GRM8: variants seen among roughly 807,000 people sequenced by gnomAD.
GRM8 encodes glutamate metabotropic receptor 8.
In GRM8, 47 loss-of-function variants were observed where a neutral mutation model predicts 87.2. The ratio of observed to expected loss-of-function variants is 0.54; its 90% CI spans 0.43 to 0.69. The LOEUF (loss-of-function observed/expected upper bound fraction) is 0.69. Among genes scored for constraint, GRM8 ranks in the 30% least tolerant of loss-of-function variants. GRM8 has a pLI of 0.00. For missense variants in GRM8, 1,019 were observed against 1,139.2 expected (o/e 0.89, Z 1.52); for synonymous variants, 396 against 404.5 (o/e 0.98, Z 0.25).
intron 7 of GRM8, among the ~76,000 whole-genome samples, chr7:126,705,798 C>T (rs1298656185): frequency 2.6e-5 from 4 of 152,012 alleles, no homozygotes; most frequent in African/African-American, 4.8e-5. Flanking sequence ...TGAAATGATT[C>T]ACACTAAAAG....
intron 7 of GRM8, among the ~76,000 whole-genome samples, chr7:126,653,501 A>T (rs566339263): frequency 1.3e-5 from 2 of 152,296 alleles, no homozygotes; most frequent in African/African-American, 4.8e-5. Flanking sequence ...AGGTAACTAC[A>T]ACAGAAATAA....
intron 3 of GRM8, among the ~76,000 whole-genome samples, chr7:127,004,513 G>A (rs1295598393): frequency 6.6e-6 from 1 of 151,472 alleles, no homozygotes; most frequent in African/African-American, 2.4e-5. Context: ...AAAAGATATG[G>A]TACAACAAAG....
rs188732231 is a variant in GRM8, at chr7:127,186,570, C to T, written c.510+56125G>A. On this transcript the variant is annotated intron_variant, in intron 2 of 10. Coordinates refer to ENST00000339582, the MANE Select transcript of GRM8 (RefSeq NM_000845.3). ...GATAGCCTCTCCCAGCTGCCTTCTG[C>T]TCTTGCACCACCCCTCATTAGCTTT... is the stretch of plus-strand genomic sequence containing the variant. Among the ~76,000 whole-genome samples the T allele has an allele frequency of 3.0e-4, 46 of 152,294 alleles. No individual in the cohort carries two copies. The East Asian group carries it at 7.0e-3, about 23-fold the overall frequency.
chr7:126,672,886 A>G (rs1806527126), intron 7 of GRM8, among the ~76,000 whole-genome samples: 1 of 152,170 alleles, frequency 6.6e-6, no homozygotes. Flanking sequence ...TAGGCCTCTG[A>G]GGGTGATCTG....
intron 7 of GRM8, among the ~76,000 whole-genome samples, chr7:126,726,285 G>A (rs1178363035): frequency 6.6e-6 from 1 of 151,618 alleles, no homozygotes; most frequent in Non-Finnish European, 1.5e-5. Context: ...CCCTTGTTCT[G>A]TGATTCTTGG....
chr7:126,500,239 G>C (rs1368275295), intron 9 of GRM8, among the ~76,000 whole-genome samples: 1 of 151,726 alleles, frequency 6.6e-6, no homozygotes, highest in East Asian at 1.9e-4. Context: ...TCTCTCCCCT[G>C]CCCCCTCAAC....
At chr7:126,440,129 AGTG>A (rs770430443) in intron 10 of GRM8, among the ~76,000 whole-genome samples, 4 of 151,918 alleles carry the variant, frequency 2.6e-5, no homozygotes, top group Non-Finnish European at 5.9e-5. Flanking sequence ...TAATATCTAC[AGTG>A]GCTGGGTGCA....
chr7:126,788,420 A>AAAAAAAAAAACAAAAAACAAAAAAC lies in GRM8; in HGVS notation c.1157-18356_1157-18355insGTTTTTTGTTTTTTGTTTTTTTTTT. Among the ~76,000 whole-genome samples the AAAAAAAAAAACAAAAAACAAAAAAC allele has an allele frequency of 1.5e-4, 12 of 81,132 alleles. 1 individual carries two copies. The highest frequency in any genetic ancestry group is 4.9e-4 in the South Asian group (1 of 2,044). The allele number at this position is 81,132 out of a possible 152,430, so 53.2% of individuals were successfully genotyped here. On this transcript the variant is annotated intron_variant, in intron 6 of 10. Transcript: ENST00000339582. ...GCAAGACTCCATCTCAAAAAAAAAA[A>AAAAAAAAAAACAAAAAACAAAAAAC]AAACCCTTTCAGATATCTTTAACAT...
intron 3 of GRM8, among the ~76,000 whole-genome samples, chr7:127,020,293 C>T (rs1816128997): frequency 2.0e-5 from 3 of 152,110 alleles, no homozygotes; most frequent in South Asian, 2.1e-4. Context: ...TGCCTGGGCA[C>T]AGCCCTGAGC....
intron 7 of GRM8, among the ~76,000 whole-genome samples, chr7:126,669,344 T>TA (rs978158743): frequency 1.3e-5 from 2 of 151,042 alleles, no homozygotes; most frequent in South Asian, 2.1e-4. Context: ...TAAAAATTTT[T>TA]AAAAAAAAGT....
intron 3 of GRM8, among the ~76,000 whole-genome samples, chr7:127,048,935 C>T (rs1819197924): frequency 6.6e-6 from 1 of 152,054 alleles, no homozygotes; most frequent in East Asian, 1.9e-4. Context: ...TGGATAAAAG[C>T]CCCTAAGTTT....
At chr7:126,725,410 A>G (rs1459249096) in intron 7 of GRM8, among the ~76,000 whole-genome samples, 1 of 152,188 alleles carries the variant, frequency 6.6e-6, no homozygotes, top group East Asian at 1.9e-4. Flanking sequence ...CCTAGGACGA[A>G]GGTCCACAAT....
intron 3 of GRM8, among the ~76,000 whole-genome samples, chr7:126,945,537 A>G (rs1213660070): frequency 6.6e-6 from 1 of 152,178 alleles, no homozygotes; most frequent in Non-Finnish European, 1.5e-5. Flanking sequence ...TTCATGCCCA[A>G]AATTGTTAAA....
At chr7:127,110,850 A>C (rs570928553) in intron 2 of GRM8, among the ~76,000 whole-genome samples, 2 of 152,236 alleles carry the variant, frequency 1.3e-5, no homozygotes, top group South Asian at 4.2e-4. Context: ...TTCTACGTTT[A>C]TTGGGCAAAA....
At chr7:126,540,865 T>C (rs1174001296) in intron 8 of GRM8, among the ~76,000 whole-genome samples, 2 of 152,212 alleles carry the variant, frequency 1.3e-5, no homozygotes. Flanking sequence ...ACTGTGAATA[T>C]ACGAAGAACC....
intron 7 of GRM8, among the ~76,000 whole-genome samples, chr7:126,748,516 T>C (rs1159430830): frequency 6.6e-6 from 1 of 151,334 alleles, no homozygotes; most frequent in Non-Finnish European, 1.5e-5. Context: ...ATAATGTTCA[T>C]AGATGGGAAG....
At chr7:126,441,521 T>C (rs930472438) in intron 10 of GRM8, among the ~76,000 whole-genome samples, 1 of 152,114 alleles carries the variant, frequency 6.6e-6, no homozygotes. Context: ...TTTTTTCATG[T>C]AATTCTGGAA....
chr7:126,601,001 T>C (rs922835555), intron 8 of GRM8, among the ~76,000 whole-genome samples: 1 of 151,984 alleles, frequency 6.6e-6, no homozygotes, highest in African/African-American at 2.4e-5. Flanking sequence ...TACATATGTA[T>C]ACATGTGCCA....
chr7:126,537,945 T>C (rs1415593261), intron 8 of GRM8, among the ~76,000 whole-genome samples: 12 of 152,198 alleles, frequency 7.9e-5, no homozygotes, highest in African/African-American at 2.9e-4. Flanking sequence ...CTTAACCATA[T>C]ATTTTTAAAA....
Sources: allele counts gnomAD v4.1 joint callset (sites outside exome capture counted in the v4.1 genomes callset), GRCh38; gene constraint gnomAD v4.1.1; transcripts MANE v1.5; gene names NCBI Gene and HGNC (gene_info 2026-07-23, HGNC 2026-07-21).